Variants in FAM171A1 observed in about 807,000 individuals in gnomAD.
FAM171A1 encodes the protein family with sequence similarity 171 member A1, also known as protein FAM171A1.
FAM171A1 carries 23 observed loss-of-function variants against 74.9 expected under a neutral mutation model. The observed-to-expected ratio is 0.31, with a 90% CI of 0.22 to 0.44. FAM171A1 has a LOEUF of 0.44. FAM171A1 is among the 20% of genes least tolerant of loss of function. FAM171A1 has a pLI of 1.00. For missense variants in FAM171A1, 1,162 were observed against 1,159.2 expected (o/e 1.00, Z -0.03); for synonymous variants, 527 against 505.7 (o/e 1.04, Z -0.57).
chr10:15,345,477 C>A (rs1343102594), intron 1 of FAM171A1, among the ~76,000 whole-genome samples: 1 of 152,154 alleles, frequency 6.6e-6, no homozygotes, highest in Non-Finnish European at 1.5e-5. Flanking sequence ...GAAAATGACT[C>A]CATTAAGCAA....
At chr10:15,347,564 G>A (rs1056838778) in intron 1 of FAM171A1, among the ~76,000 whole-genome samples, 2 of 151,916 alleles carry the variant, frequency 1.3e-5, no homozygotes, top group African/African-American at 4.8e-5. Context: ...TCGGCCGGGT[G>A]CAGTGGCTCA....
intron 5 of FAM171A1, among the ~76,000 whole-genome samples, chr10:15,243,267 T>A (rs1258503198): frequency 6.6e-6 from 1 of 152,172 alleles, no homozygotes; most frequent in Non-Finnish European, 1.5e-5. Context: ...TCCTCTTGCA[T>A]CCTGCTCATA....
chr10:15,285,835 C>T (rs943926214), intron 1 of FAM171A1, among the ~76,000 whole-genome samples: 1 of 152,200 alleles, frequency 6.6e-6, no homozygotes, highest in African/African-American at 2.4e-5. Context: ...AATGAGCCGG[C>T]TGCAGGCTGG....
chr10:15,222,666 G>T (rs1425243488), intron 5 of FAM171A1, among the ~76,000 whole-genome samples: 1 of 152,188 alleles, frequency 6.6e-6, no homozygotes, highest in Non-Finnish European at 1.5e-5. Context: ...CCTGAAGAAA[G>T]AAACAACACT....
At chr10:15,373,233 G>A (rs1460741948), upstream of FAM171A1, among the ~76,000 whole-genome samples, 12 of 152,182 alleles carry the variant, frequency 7.9e-5, no homozygotes, top group Non-Finnish European at 1.5e-4. Context: ...TAGTCAGGAA[G>A]GCAGAAAGAA....
chr10:15,227,861 C>T (rs1243147556), intron 5 of FAM171A1, among the ~76,000 whole-genome samples: 2 of 152,188 alleles, frequency 1.3e-5, no homozygotes, highest in Non-Finnish European at 2.9e-5. Context: ...CATTTAACTA[C>T]AATGATTATT....
At position 15,255,779 on chromosome 10, in the gene FAM171A1, C is replaced by A. The variant is rs185659904; in HGVS notation, c.419-900G>T. Among the ~76,000 whole-genome samples the A allele has an allele frequency of 4.9e-3, 746 of 151,972 alleles. 6 individuals carry two copies. Among genetic ancestry groups the A allele is most frequent in the African/African-American group, 0.017 (723 of 41,460 alleles). On this transcript the variant is annotated intron_variant, in intron 3 of 7. Coordinates refer to ENST00000378116, the MANE Select transcript of FAM171A1 (RefSeq NM_001010924.2). The stretch of plus-strand genomic sequence containing the variant: ...TCCCCTGCCTCAGTCTCCCAAGTAG[C>A]TGGGATTACAGGTGCCCGCCACCAC...
chr10:15,271,987 A>G (rs1366734438), intron 3 of FAM171A1, among the ~76,000 whole-genome samples: 1 of 152,326 alleles, frequency 6.6e-6, no homozygotes, highest in East Asian at 1.9e-4. Flanking sequence ...CTAATGAGCA[A>G]AATAACCAGC....
At chr10:15,354,242 T>G (rs1277268171) in intron 1 of FAM171A1, among the ~76,000 whole-genome samples, 1 of 152,040 alleles carries the variant, frequency 6.6e-6, no homozygotes, top group Non-Finnish European at 1.5e-5. Flanking sequence ...ACACTTGTAA[T>G]CCCAGCAGTT....
chr10:15,288,484 G>C (rs1375834637), intron 1 of FAM171A1, among the ~76,000 whole-genome samples: 2 of 152,072 alleles, frequency 1.3e-5, no homozygotes, highest in East Asian at 3.9e-4. Flanking sequence ...TTAACTCATG[G>C]TGCATTAATA....
chr10:15,356,291 A>G (rs2131884747), intron 1 of FAM171A1, among the ~76,000 whole-genome samples: 1 of 151,722 alleles, frequency 6.6e-6, no homozygotes, highest in South Asian at 2.1e-4. Context: ...AATTTAAAGA[A>G]CTAACAATAC....
At chr10:15,369,358 C>T (rs1486610742) in intron 1 of FAM171A1, among the ~76,000 whole-genome samples, 1 of 151,950 alleles carries the variant, frequency 6.6e-6, no homozygotes, top group Non-Finnish European at 1.5e-5. Context: ...CGCTGAAGTG[C>T]AAATATCATT....
At position 15,213,191 on chromosome 10, in the gene FAM171A1, G is replaced by A. The variant is rs1465372841; in HGVS notation, c.2397C>T (p.Ser799=). 1.2e-6 allele frequency: 2 copies of A among 1,614,090 alleles called. No homozygotes were observed. The highest frequency in any genetic ancestry group is 1.7e-6 in the Non-Finnish European group (2 of 1,180,028). ...VYLDDVEQSG[S]ECGTTVCTPE... ...GGGTACAGACCGTGGTCCCACATTC[G>A]CTACCACTCTGTTCCACGTCATCCA... The change falls in exon 8 of 8, where the codon AGC becomes AGT. Residue 799 remains serine (S), a synonymous_variant. Coordinates refer to ENST00000378116, the MANE Select transcript of FAM171A1 (RefSeq NM_001010924.2). This position sits in a 1 kb window ranked among gnomAD's most constrained non-coding sequence, Gnocchi z 6.8.
intron 3 of FAM171A1, among the ~76,000 whole-genome samples, chr10:15,267,601 C>CAAAAAA (rs71390026): frequency 2.4e-4 from 13 of 53,380 alleles, no homozygotes; most frequent in Non-Finnish European, 3.6e-4. Flanking sequence ...GACACCATCG[C>CAAAAAA]AAAAAAAAAA....
At chr10:15,315,530 T>C (rs1835412438) in intron 1 of FAM171A1, among the ~76,000 whole-genome samples, 1 of 152,256 alleles carries the variant, frequency 6.6e-6, no homozygotes, top group Admixed American at 6.5e-5. Context: ...GACAGCACCC[T>C]GGAGAAATCA....
intron 3 of FAM171A1, among the ~76,000 whole-genome samples, chr10:15,266,738 A>T (rs1588521696): frequency 6.6e-6 from 1 of 151,998 alleles, no homozygotes; most frequent in African/African-American, 2.4e-5. Flanking sequence ...GCATTGTGGT[A>T]TGTGCCTGTG....
At chr10:15,336,892 TTTTC>T (rs536661435) in intron 1 of FAM171A1, among the ~76,000 whole-genome samples, 46 of 142,614 alleles carry the variant, frequency 3.2e-4, no homozygotes, top group African/African-American at 1.0e-3. Context: ...GTACCATGAA[TTTTC>T]TTTCTTTCTT....
chr10:15,346,946 G>C (rs1487674351), intron 1 of FAM171A1, among the ~76,000 whole-genome samples: 1 of 152,186 alleles, frequency 6.6e-6, no homozygotes, highest in Non-Finnish European at 1.5e-5. Flanking sequence ...ACAGAGGGAG[G>C]GGTAGCTGGC....
intron 1 of FAM171A1, among the ~76,000 whole-genome samples, chr10:15,365,938 T>G (rs932657602): frequency 6.6e-6 from 1 of 152,190 alleles, no homozygotes; most frequent in Non-Finnish European, 1.5e-5. Flanking sequence ...TTAGGGGAAC[T>G]TAACCTGAAG....
Sources: gnomAD v4.1 joint callset for allele counts (sites outside exome capture counted in the v4.1 genomes callset) on GRCh38, gnomAD v4.1.1 for gene constraint, Gnocchi (gnomAD v3.1) non-coding constraint, MANE v1.5 for transcripts, NCBI Gene and HGNC (gene_info 2026-07-23, HGNC 2026-07-21) for gene names.